The following SNX10 variants were observed in gnomAD, a reference collection of about 807,000 sequenced individuals.
SNX10 encodes the protein sorting nexin-10.
A neutral mutation model predicts 28.5 loss-of-function variants in SNX10; 25 were observed. That is an observed-to-expected ratio of 0.88 (90% CI 0.64 to 1.22). The LOEUF (loss-of-function observed/expected upper bound fraction) is 1.22. Ranked by LOEUF, SNX10 falls within the 50% of genes most tolerant of loss-of-function variation. SNX10 has a pLI of 0.00. For synonymous variants in SNX10, 62 were observed against 81.4 expected (o/e 0.76, Z 1.28); for missense variants, 223 against 242.6 (o/e 0.92, Z 0.54).
At chr7:26,320,308 T>G (rs1787261469) in intron 1 of SNX10, among the ~76,000 whole-genome samples, 2 of 152,052 alleles carry the variant, frequency 1.3e-5, no homozygotes, top group African/African-American at 4.8e-5. Flanking sequence ...AAAAATAATA[T>G]ATAAAAAAAA....
chr7:26,302,491 G>A (rs779436336), intron 1 of SNX10, among the ~76,000 whole-genome samples: 7 of 152,170 alleles, frequency 4.6e-5, no homozygotes, highest in Non-Finnish European at 8.8e-5. Context: ...TGTGCAGCAA[G>A]CCTCCTCTTT....
chr7:26,321,116 G>A (rs578102634), intron 1 of SNX10, among the ~76,000 whole-genome samples: 2 of 152,318 alleles, frequency 1.3e-5, no homozygotes, highest in East Asian at 1.9e-4. Context: ...TTGGATCAGG[G>A]TGAAAGTGTG....
intron 2 of SNX10, among the ~76,000 whole-genome samples, chr7:26,357,818 T>C (rs1788884819): frequency 6.6e-6 from 1 of 151,878 alleles, no homozygotes; most frequent in Admixed American, 6.6e-5. Context: ...TGCTCTTCAC[T>C]GAGAAGGGGA....
At chr7:26,320,495 G>A (rs540886422) in intron 1 of SNX10, among the ~76,000 whole-genome samples, 2 of 151,632 alleles carry the variant, frequency 1.3e-5, no homozygotes, top group East Asian at 2.0e-4. Context: ...GCAGTGGTGC[G>A]ATCTCTGCTC....
intron 1 of SNX10, among the ~76,000 whole-genome samples, chr7:26,312,031 T>C (rs528990532): frequency 2.6e-4 from 39 of 152,194 alleles, no homozygotes; most frequent in African/African-American, 9.2e-4. Context: ...TCGTCAGCTG[T>C]CATGGAACAG....
At chr7:26,332,706 C>A (rs1787791042) in intron 1 of SNX10, among the ~76,000 whole-genome samples, 1 of 152,106 alleles carries the variant, frequency 6.6e-6, no homozygotes, top group South Asian at 2.1e-4. Flanking sequence ...GTTTTTTGCT[C>A]TTACAAAATG....
At chr7:26,319,565 A>G (rs988989117) in intron 1 of SNX10, among the ~76,000 whole-genome samples, 8 of 152,218 alleles carry the variant, frequency 5.3e-5, no homozygotes, top group African/African-American at 1.7e-4. Flanking sequence ...TCAGCATCTG[A>G]TATCATTACA....
At chr7:26,308,552 T>C (rs1441233598) in intron 1 of SNX10, among the ~76,000 whole-genome samples, 1 of 152,192 alleles carries the variant, frequency 6.6e-6, no homozygotes, top group African/African-American at 2.4e-5. Flanking sequence ...TCTGGAAGGC[T>C]GAACACGTGG....
rs755366680 is a variant in SNX10 at position 26,323,857 on chromosome 7, G to A, written c.-23-22563G>A. 2.6e-5 allele frequency among the ~76,000 whole-genome samples: 4 copies of A among 152,206 alleles called. No individual in the cohort carries two copies. In the East Asian group the frequency reaches 7.7e-4, roughly 29 times the overall value. ...TTTGGAAGTAGTGCCAACAGGACAT[G>A]TATCTCCAGATAGCACCTGCCATGG... On this transcript the variant is annotated intron_variant, in intron 1 of 6. Transcript: ENST00000338523.
chr7:26,361,688 T>C (rs2128022322), intron 3 of SNX10, among the ~76,000 whole-genome samples: 2 of 152,346 alleles, frequency 1.3e-5, no homozygotes, highest in Middle Eastern at 6.8e-3. Flanking sequence ...GTAAATATCT[T>C]CAGTTTGTGG....
At chr7:26,335,228 T>C (rs1787878962) in intron 1 of SNX10, among the ~76,000 whole-genome samples, 1 of 152,216 alleles carries the variant, frequency 6.6e-6, no homozygotes, top group Non-Finnish European at 1.5e-5. Flanking sequence ...TAGTGTCTTT[T>C]ATCTACATCA....
At chr7:26,341,486 A>C (rs1464294853) in intron 1 of SNX10, among the ~76,000 whole-genome samples, 2 of 129,654 alleles carry the variant, frequency 1.5e-5, no homozygotes, top group Non-Finnish European at 3.2e-5. Flanking sequence ...TGAGACAAGA[A>C]TTCTCTATGT....
intron 1 of SNX10, among the ~76,000 whole-genome samples, chr7:26,315,638 T>C (rs13227489): frequency 0.054 from 8,216 of 151,212 alleles, 287 homozygotes; most frequent in East Asian, 0.21. Context: ...ACTGCACTTC[T>C]AGCCTGGGCG....
intron 1 of SNX10, among the ~76,000 whole-genome samples, chr7:26,338,862 C>G (rs1311784482): frequency 6.6e-6 from 1 of 152,148 alleles, no homozygotes; most frequent in African/African-American, 2.4e-5. Flanking sequence ...AGCCAGATTA[C>G]CACTCTGGGT....
chr7:26,303,170 T>A (rs1362754835), intron 1 of SNX10, among the ~76,000 whole-genome samples: 1 of 152,252 alleles, frequency 6.6e-6, no homozygotes, highest in Non-Finnish European at 1.5e-5. Context: ...CTTTCAAGAT[T>A]ACAGTATTCT....
In SNX10 at chr7:26,319,181, A is replaced by C. The variant is rs377578522; in HGVS notation, c.-24+27095A>C. Among the ~76,000 whole-genome samples the C allele has an allele frequency of 6.6e-5, 10 of 152,322 alleles. No homozygotes were observed. In the Middle Eastern group the frequency reaches 0.01, roughly 155 times the overall value. On this transcript the variant is annotated intron_variant, in intron 1 of 6. Coordinates refer to ENST00000338523, the MANE Select transcript of SNX10 (RefSeq NM_013322.3). Reference sequence around the variant, plus strand: ...TGAAAAGCATTGGGAAGCTTGTTGAATTTAGATTTATTCACTGAATCAGTA... The same window carrying C: ...TGAAAAGCATTGGGAAGCTTGTTGACTTTAGATTTATTCACTGAATCAGTA...
intron 1 of SNX10, among the ~76,000 whole-genome samples, chr7:26,339,584 C>T (rs1788100490): frequency 7.3e-6 from 1 of 137,782 alleles, no homozygotes; most frequent in Admixed American, 7.9e-5. Context: ...GGTTGGAGTG[C>T]AGTGGCATGA....
intron 1 of SNX10, among the ~76,000 whole-genome samples, chr7:26,326,467 A>G (rs775650588): frequency 6.6e-6 from 1 of 152,094 alleles, no homozygotes; most frequent in Non-Finnish European, 1.5e-5. Flanking sequence ...TTGCCTCCCT[A>G]CATGGATCAT....
intron 5 of SNX10, among the ~76,000 whole-genome samples, chr7:26,371,600 T>C (rs1789538684): frequency 6.6e-6 from 1 of 152,174 alleles, no homozygotes; most frequent in African/African-American, 2.4e-5. Flanking sequence ...CAGATGTTCT[T>C]AACTATTAGC....
Sources: allele counts gnomAD v4.1 joint callset (sites outside exome capture counted in the v4.1 genomes callset), GRCh38; gene constraint gnomAD v4.1.1; transcripts MANE v1.5; gene names NCBI Gene and HGNC (gene_info 2026-07-23, HGNC 2026-07-21).